The following AHDC1 variants were observed in gnomAD, a reference collection of about 807,000 sequenced individuals.
AHDC1 encodes the protein transcription factor Gibbin.
Under a neutral mutation model 87.9 loss-of-function variants are expected in AHDC1, and 7 were observed. That is an observed-to-expected ratio of 0.08 (90% CI 0.05 to 0.15). The LOEUF is 0.15. Among genes scored for constraint, AHDC1 ranks in the 10% least tolerant of loss-of-function variants. The probability of loss-of-function intolerance (pLI) is 1.00; values close to 1 mark genes in which losing one functional copy is unlikely to be tolerated. For missense variants in AHDC1, 1,841 were observed against 2,253.2 expected, an observed-to-expected ratio of 0.82 and a Z score of 3.70; for synonymous variants, 1,051 against 1,006.8, an observed-to-expected ratio of 1.04 and a Z score of -0.83.
chr1:27,598,610 T>A lies in AHDC1; in HGVS notation c.-629+4787A>T, dbSNP rs1393705399. On this transcript the variant is annotated intron_variant, in intron 3 of 8. Coordinates refer to ENST00000673934, the MANE Select transcript of AHDC1 (RefSeq NM_001371928.1). The surrounding 1 kb of genome is among the most constrained non-coding windows in gnomAD (Gnocchi z 4.2). The stretch of plus-strand genomic sequence containing the variant: ...TCCCAGTTCCAGGCATGAGGGGTTG[T>A]TCTTGCCAACTGCACTGGGGCCATT... 6.6e-6 allele frequency among the ~76,000 whole-genome samples: 1 copy of A among 152,140 alleles called. No individual in the cohort carries two copies. The highest frequency in any genetic ancestry group is 2.4e-5 in the African/African-American group (1 of 41,426).
chr1:27,537,605 G>A (rs1261356010), intron 8 of AHDC1, among the ~76,000 whole-genome samples: 1 of 152,132 alleles, frequency 6.6e-6, no homozygotes, highest in African/African-American at 2.4e-5. Context: ...CCATAGCTAC[G>A]GTACCCTTGT....
chr1:27,574,307 G>A (rs922746774), intron 3 of AHDC1, among the ~76,000 whole-genome samples: 4 of 152,212 alleles, frequency 2.6e-5, no homozygotes, highest in Non-Finnish European at 4.4e-5. Context: ...CAGGGGAAGG[G>A]AATTCAAATG....
At chr1:27,594,937 G>C (rs545240246) in intron 3 of AHDC1, among the ~76,000 whole-genome samples, 1 of 152,142 alleles carries the variant, frequency 6.6e-6, no homozygotes, top group African/African-American at 2.4e-5. Flanking sequence ...GAGAGGTGTA[G>C]GGGTGTCCCT....
At position 27,538,400 on chromosome 1, in the gene AHDC1, C is replaced by CAAAAAAAAAA. The variant is rs370786800; in HGVS notation, c.*44-3494_*44-3485dup. Among the ~76,000 whole-genome samples the CAAAAAAAAAA allele has an allele frequency of 9.5e-3, 575 of 60,636 alleles. 25 individuals carry two copies. Among genetic ancestry groups the CAAAAAAAAAA allele is most frequent in the African/African-American group, 0.028 (536 of 19,156 alleles). The allele number at this position is 60,636 out of a possible 152,430, so 39.8% of individuals were successfully genotyped here. ...CCTGGGTGACAGAGCAAGACTGTCT[C>CAAAAAAAAAA]AAAAAAAAAAAAAAAAAACCAGAAA... On this transcript the variant is annotated intron_variant, in intron 8 of 8. Coordinates refer to ENST00000673934, the MANE Select transcript of AHDC1 (RefSeq NM_001371928.1).
rs1454882421 is a variant in AHDC1 at position 27,562,020 on chromosome 1, G to C, written c.-628-3137C>G. Among the ~76,000 whole-genome samples the C allele has an allele frequency of 6.6e-6, 1 of 152,112 alleles. No homozygotes were observed. The highest frequency in any genetic ancestry group is 2.4e-5 in the African/African-American group (1 of 41,400). Reference sequence around the variant, plus strand: ...GCCCCAGAGGGGAGAGAGGCACGGGGGAAGCGAGCCAGGCAGAGATGGGAA... The same window carrying C: ...GCCCCAGAGGGGAGAGAGGCACGGGCGAAGCGAGCCAGGCAGAGATGGGAA... On this transcript the variant is annotated intron_variant, in intron 3 of 8. Transcript: ENST00000673934. The surrounding 1 kb of genome is among the most constrained non-coding windows in gnomAD (Gnocchi z 4.4).
chr1:27,547,465 C>T lies in AHDC1; in HGVS notation c.4651G>A (p.Val1551Met), dbSNP rs375725827. The T allele has an allele frequency of 1.8e-5, 29 of 1,595,126 alleles. No homozygotes were observed. Among genetic ancestry groups the T allele is most frequent in the African/African-American group, 8.0e-5 (6 of 74,612 alleles). Residue 1551 changes from valine to methionine, a missense_variant, in exon 8 of 9, where the codon GTG becomes ATG. This residue lies in a region of AHDC1 where 505 missense variants were observed against 626.2 expected (regional missense o/e 0.81). Transcript: ENST00000673934. This position sits in a 1 kb window ranked among gnomAD's most constrained non-coding sequence, Gnocchi z 4.9. ...PLLSDLTLSP[V>M]PRDSLLPLQD... is the part of the protein sequence containing the mutation. ...AGGGGCAGCAGCGAGTCCCTCGGCACGGGGGACAGGGTCAAGTCACTAAGG... is the reference window on the plus strand; with the variant it reads ...AGGGGCAGCAGCGAGTCCCTCGGCATGGGGGACAGGGTCAAGTCACTAAGG...
chr1:27,576,897 G>GTCT (rs1415651703), intron 3 of AHDC1, among the ~76,000 whole-genome samples: 1 of 152,128 alleles, frequency 6.6e-6, no homozygotes, highest in Non-Finnish European at 1.5e-5. Flanking sequence ...GCCATCCTGA[G>GTCT]TCTAGCACCT....
At chr1:27,559,806 G>C (rs552737105) in intron 3 of AHDC1, among the ~76,000 whole-genome samples, 1 of 152,156 alleles carries the variant, frequency 6.6e-6, no homozygotes, top group East Asian at 1.9e-4. Flanking sequence ...CTGCCTCCTC[G>C]AGGTCTGTAC....
intron 3 of AHDC1, among the ~76,000 whole-genome samples, chr1:27,575,188 G>A (rs1381266186): frequency 6.6e-6 from 1 of 152,166 alleles, no homozygotes; most frequent in Non-Finnish European, 1.5e-5. Flanking sequence ...CGCCGCCGCC[G>A]CCTCTGGGGC....
intron 3 of AHDC1, among the ~76,000 whole-genome samples, chr1:27,577,548 G>T (rs2088790626): frequency 6.6e-6 from 1 of 152,168 alleles, no homozygotes; most frequent in Admixed American, 6.5e-5. Context: ...CATACAGGGG[G>T]AACAGCCTAG....
chr1:27,571,039 T>C (rs2020544388), intron 3 of AHDC1, among the ~76,000 whole-genome samples: 1 of 151,924 alleles, frequency 6.6e-6, no homozygotes, highest in Non-Finnish European at 1.5e-5. Context: ...GTGGGAGAGC[T>C]CCTTTAACCC....
intron 8 of AHDC1, among the ~76,000 whole-genome samples, chr1:27,535,159 G>A (rs754839569): frequency 1.3e-5 from 2 of 152,216 alleles, no homozygotes; most frequent in African/African-American, 2.4e-5. Context: ...GGTGCTGGGT[G>A]AGGAGGTGGG....
rs988045785 is a variant in AHDC1, at chr1:27,562,651, C to T, written c.-628-3768G>A. ...TCATGCGGGACTGAGCACCCCCCAGCTCCCACTTGTCCCTCTGCTCAGGGC... is the reference window on the plus strand; with the variant it reads ...TCATGCGGGACTGAGCACCCCCCAGTTCCCACTTGTCCCTCTGCTCAGGGC... On this transcript the variant is annotated intron_variant, in intron 3 of 8. Transcript: ENST00000673934. The surrounding 1 kb of genome is among the most constrained non-coding windows in gnomAD (Gnocchi z 4.4). 5.9e-5 allele frequency among the ~76,000 whole-genome samples: 9 copies of T among 152,204 alleles called. No homozygotes were observed. The highest frequency in any genetic ancestry group is 2.9e-5 in the Non-Finnish European group (2 of 68,030).
Position 27,550,391 on chromosome 1 carries a change from TGCCACAGTGGCTGCCTCGGCC to T in AHDC1, c.1704_1724del (p.Glu570_Ala576del), listed in dbSNP as rs2019472359. The T allele has an allele frequency of 4.3e-6, 7 of 1,612,894 alleles. No individual in the cohort carries two copies. Among genetic ancestry groups the T allele is most frequent in the Non-Finnish European group, 5.9e-6 (7 of 1,179,328 alleles). Reference sequence around the variant, plus strand: ...CCTCTGGCATGGCCATGGTGGCCGCTGCCACAGTGGCTGCCTCGGCCGCCACCACAGCTGGCTCCTTGGGCT... The same window carrying T: ...CCTCTGGCATGGCCATGGTGGCCGCTGCCACCACAGCTGGCTCCTTGGGCT... On this transcript the variant is annotated inframe_deletion, in exon 8 of 9. Coordinates refer to ENST00000673934, the MANE Select transcript of AHDC1 (RefSeq NM_001371928.1).
chr1:27,564,598 T>C (rs894705177), intron 3 of AHDC1, among the ~76,000 whole-genome samples: 1 of 152,176 alleles, frequency 6.6e-6, no homozygotes, highest in Non-Finnish European at 1.5e-5. Context: ...TCAGCCTCCA[T>C]CTCCTGGCTC....
chr1:27,544,488 C>T (rs1294047320), intron 8 of AHDC1, among the ~76,000 whole-genome samples: 1 of 152,222 alleles, frequency 6.6e-6, no homozygotes, highest in African/African-American at 2.4e-5. Flanking sequence ...CACACAGGGG[C>T]TCAGGTTGGG....
intron 3 of AHDC1, among the ~76,000 whole-genome samples, 174 bp downstream of exon 3, chr1:27,603,213 GAGCCGAGCCC>G (rs2089591042): frequency 1.4e-5 from 2 of 143,740 alleles, no homozygotes; most frequent in Admixed American, 1.4e-4. Context: ...GCCAGGCTTC[GAGCCGAGCCC>G]AGCCGAGCCG....
chr1:27,573,910 G>C (rs906823187), intron 3 of AHDC1, among the ~76,000 whole-genome samples: 4 of 152,220 alleles, frequency 2.6e-5, no homozygotes, highest in Non-Finnish European at 2.9e-5. Flanking sequence ...GACAACAAAT[G>C]GGGCCTTGAG....
chr1:27,551,516 A>G lies in AHDC1; in HGVS notation c.600T>C (p.Pro200=). ...SERPSHPLYE[P]EPEPRDSPQP... The stretch of plus-strand genomic sequence containing the variant: ...GGGGACTGTCCCTAGGCTCAGGCTC[A>G]GGCTCGTAGAGGGGATGGCTGGGCC... The change falls in exon 8 of 9, where the codon CCT becomes CCC. Residue 200 remains proline (P), a synonymous_variant. Transcript: ENST00000673934. 1 of 1,603,152 alleles carries G rather than the reference A, an allele frequency of 6.2e-7. No individual in the cohort carries two copies. Among genetic ancestry groups the G allele is most frequent in the Non-Finnish European group, 8.5e-7 (1 of 1,174,082 alleles).
Sources: allele counts gnomAD v4.1 joint callset (sites outside exome capture counted in the v4.1 genomes callset), GRCh38; gene constraint gnomAD v4.1.1; regional missense constraint gnomAD v4.1.1; non-coding constraint Gnocchi (gnomAD v3.1); transcripts MANE v1.5; gene names NCBI Gene and HGNC (gene_info 2026-07-23, HGNC 2026-07-21).